Variants in POFUT3 observed in about 807,000 individuals in gnomAD.
POFUT3 encodes GDP-fucose protein O-fucosyltransferase 3.
At chr8:33,457,064 C>G in the POFUT3 span, among the ~76,000 whole-genome samples, 1 of 151,134 alleles carries the variant, frequency 6.6e-6, no homozygotes, top group Non-Finnish European at 1.5e-5. Flanking sequence ...CCACCATGCC[C>G]GGCCAAACCT....
chr8:33,352,070 G>A, the POFUT3 span, among the ~76,000 whole-genome samples: 1 of 152,114 alleles, frequency 6.6e-6, no homozygotes, highest in South Asian at 2.1e-4. Flanking sequence ...TGTGTTGAAC[G>A]GCTCTGTCAA....
chr8:33,317,356 G>T, the POFUT3 span, among the ~76,000 whole-genome samples: 1 of 152,040 alleles, frequency 6.6e-6, no homozygotes, highest in Non-Finnish European at 1.5e-5. Context: ...TATTCTTGAG[G>T]GGTCTGAAGG....
At chr8:33,382,018 C>T in the POFUT3 span, among the ~76,000 whole-genome samples, 1 of 152,122 alleles carries the variant, frequency 6.6e-6, no homozygotes, top group African/African-American at 2.4e-5. Context: ...ATAGGCTGGG[C>T]ATAGTGGCTA....
At chr8:33,452,793 A>G in the POFUT3 span, 1 of 161,898 alleles carries the variant, frequency 6.2e-6, no homozygotes, top group African/African-American at 2.4e-5. Context: ...CAGATTTTCA[A>G]TTATACATGT....
At chr8:33,369,657 G>A in the POFUT3 span, among the ~76,000 whole-genome samples, 14 of 152,150 alleles carry the variant, frequency 9.2e-5, no homozygotes, top group African/African-American at 2.4e-4. Context: ...TGGGCAGGTC[G>A]GCACTGTGCT....
chr8:33,401,331 T>A, the POFUT3 span, among the ~76,000 whole-genome samples: 1 of 152,068 alleles, frequency 6.6e-6, no homozygotes, highest in Non-Finnish European at 1.5e-5. Flanking sequence ...GGTGTGTTGA[T>A]GGAAGCATCA....
chr8:33,453,599 T>C, the POFUT3 span: 1 of 1,100,660 alleles, frequency 9.1e-7, no homozygotes, highest in Non-Finnish European at 1.3e-6. Flanking sequence ...AGCCCCTGAC[T>C]CGTTTTCAAT....
chr8:33,317,796 A>T, the POFUT3 span, among the ~76,000 whole-genome samples: 15 of 151,978 alleles, frequency 9.9e-5, no homozygotes, highest in Admixed American at 5.3e-4. Context: ...CCACTCATCA[A>T]GCTGTCCCTC....
chr8:33,407,304 C>T, the POFUT3 span, among the ~76,000 whole-genome samples: 10 of 152,136 alleles, frequency 6.6e-5, no homozygotes, highest in Admixed American at 2.6e-4. Context: ...TAGAACAATG[C>T]CTTCTAATTC....
chr8:33,413,450 C>G, the POFUT3 span, among the ~76,000 whole-genome samples: 1 of 152,114 alleles, frequency 6.6e-6, no homozygotes, highest in South Asian at 2.1e-4. Context: ...AACCAAGAAG[C>G]CAGCCCTACC....
chr8:33,452,161 G>A, the POFUT3 span: 1 of 152,052 alleles, frequency 6.6e-6, no homozygotes, highest in African/African-American at 2.4e-5. Context: ...GTATACGTGT[G>A]TACAACTTGT....
chr8:33,465,354 T>G, the POFUT3 span, among the ~76,000 whole-genome samples: 5 of 151,340 alleles, frequency 3.3e-5, no homozygotes, highest in African/African-American at 1.2e-4. Flanking sequence ...CCAAGGAAGC[T>G]GAGCCTTCTC....
the POFUT3 span, among the ~76,000 whole-genome samples, chr8:33,400,006 T>A: frequency 6.6e-6 from 1 of 151,450 alleles, no homozygotes; most frequent in African/African-American, 2.4e-5. Context: ...GTGGAGCATA[T>A]ATAGCTTTGA....
the POFUT3 span, among the ~76,000 whole-genome samples, chr8:33,419,079 G>A: frequency 1.3e-5 from 2 of 152,144 alleles, no homozygotes; most frequent in Non-Finnish European, 2.9e-5. Context: ...GGGAAGGTTG[G>A]GGGTGGGGTG....
the POFUT3 span, chr8:33,455,627 T>A: frequency 3.6e-6 from 1 of 281,672 alleles, no homozygotes; most frequent in Non-Finnish European, 7.1e-6. Flanking sequence ...GAAAGTTTAG[T>A]AGACTATGAA....
chr8:33,452,938 G>T, the POFUT3 span: 1 of 368,922 alleles, frequency 2.7e-6, no homozygotes. Flanking sequence ...ATTTAACTTT[G>T]CTTCATCTCA....
the POFUT3 span, among the ~76,000 whole-genome samples, chr8:33,313,779 C>T: frequency 6.6e-6 from 1 of 152,098 alleles, no homozygotes; most frequent in African/African-American, 2.4e-5. Flanking sequence ...CTGGTGTAAA[C>T]ACAATTGTGC....
the POFUT3 span, among the ~76,000 whole-genome samples, chr8:33,443,299 C>G: frequency 6.6e-6 from 1 of 152,020 alleles, no homozygotes; most frequent in Non-Finnish European, 1.5e-5. Flanking sequence ...CAAATTAATA[C>G]CTGCACAGAG....
the POFUT3 span, among the ~76,000 whole-genome samples, chr8:33,320,236 A>G: frequency 2.0e-5 from 3 of 152,022 alleles, no homozygotes; most frequent in Non-Finnish European, 4.4e-5. Flanking sequence ...TTTTGTGTTC[A>G]CTTCTCAAAA....
Sources: allele counts gnomAD v4.1 joint callset (sites outside exome capture counted in the v4.1 genomes callset), GRCh38; gene constraint gnomAD v4.1.1; transcripts MANE v1.5; gene names NCBI Gene and HGNC (gene_info 2026-07-23, HGNC 2026-07-21).